The following RASGRF1 variants were observed in gnomAD, a reference collection of about 807,000 sequenced individuals.
RASGRF1 encodes the protein Ras protein specific guanine nucleotide releasing factor 1.
Under a neutral mutation model 138.7 loss-of-function variants are expected in RASGRF1, and 40 were observed. The observed-to-expected ratio is 0.29, with a 90% CI of 0.22 to 0.38. The LOEUF (loss-of-function observed/expected upper bound fraction) is 0.38, where lower values mean the gene tolerates loss of function less well. Among genes scored for constraint, RASGRF1 ranks in the 10% least tolerant of loss-of-function variants. RASGRF1 has a pLI of 1.00. For synonymous variants in RASGRF1, 614 were observed against 663.2 expected, an observed-to-expected ratio of 0.93 and a Z score of 1.14; for missense variants, 1,108 against 1,650.4, an observed-to-expected ratio of 0.67 and a Z score of 5.69.
In RASGRF1 at chr15:79,002,929, C is replaced by T. The variant is rs539971867; in HGVS notation, c.2449+873G>A. On this transcript the variant is annotated intron_variant, in intron 15 of 26. Coordinates refer to ENST00000558480, the MANE Select transcript of RASGRF1 (RefSeq NM_001145648.3). Reference sequence around the variant, plus strand: ...GGCGTCTGACCAGCCCCTGGTTGCACGTGGGTGCGTGCGTGTGTGCACGTG... The same window carrying T: ...GGCGTCTGACCAGCCCCTGGTTGCATGTGGGTGCGTGCGTGTGTGCACGTG... 5.3e-5 allele frequency among the ~76,000 whole-genome samples: 8 copies of T among 152,352 alleles called. No individual in the cohort carries two copies. In the East Asian group the frequency reaches 7.7e-4, roughly 15 times the overall value.
intron 13 of RASGRF1, among the ~76,000 whole-genome samples, chr15:79,013,420 C>T (rs2056830356): frequency 6.6e-6 from 1 of 152,244 alleles, no homozygotes; most frequent in Non-Finnish European, 1.5e-5. Flanking sequence ...TCCTGGCACA[C>T]AGTAGGTTCA....
Position 79,004,025 on chromosome 15 carries a change from G to T in RASGRF1, c.2226C>A (p.Ser742=). Residue 742 remains serine, a synonymous_variant, in exon 15 of 27, where the codon TCC becomes TCA. Coordinates refer to ENST00000558480, the MANE Select transcript of RASGRF1 (RefSeq NM_001145648.3). ...CGCCAGTGATGATGGGGATGTTCAG[G>T]GAGAGCTTCCGCCGGCGGCTCGGTG... The part of the protein sequence containing the change: ...TSSPSRRRKL[S]LNIPIITGGK... 6.2e-7 allele frequency: 1 copy of T among 1,614,206 alleles called. No individual in the cohort carries two copies. The highest frequency in any genetic ancestry group is 1.1e-5 in the South Asian group (1 of 91,084).
chr15:79,084,888 G>A (rs1415796595), intron 1 of RASGRF1, among the ~76,000 whole-genome samples: 1 of 152,142 alleles, frequency 6.6e-6, no homozygotes, highest in African/African-American at 2.4e-5. Flanking sequence ...TACAACCAAT[G>A]GGATGGCAGG....
At chr15:79,064,698 T>C (rs1257021202) in intron 1 of RASGRF1, 172 bp from the exon 2 acceptor site, 2 of 639,018 alleles carry the variant, frequency 3.1e-6, no homozygotes, top group Non-Finnish European at 5.5e-6. Flanking sequence ...CAGTTCTCGA[T>C]TAAAAGGGCT....
At chr15:79,022,415 G>C (rs1256125902) in intron 10 of RASGRF1, among the ~76,000 whole-genome samples, 1 of 152,050 alleles carries the variant, frequency 6.6e-6, no homozygotes, top group Non-Finnish European at 1.5e-5. Context: ...ACTCCAGCCT[G>C]GGTGACAAGA....
intron 11 of RASGRF1, among the ~76,000 whole-genome samples, chr15:79,019,012 A>G (rs752428316): frequency 2.0e-5 from 3 of 152,098 alleles, no homozygotes; most frequent in Non-Finnish European, 2.9e-5. Flanking sequence ...TTGGAAGGGC[A>G]TGAGGGGAGC....
chr15:79,035,035 C>T (rs1479403166), intron 6 of RASGRF1, 96 bp downstream of exon 6: 1 of 1,018,150 alleles, frequency 9.8e-7, no homozygotes, highest in South Asian at 1.7e-5. Flanking sequence ...AAGTGACACT[C>T]TATTATGCTC....
Position 79,090,540 on chromosome 15 carries a change from T to G in RASGRF1, c.-42A>C, listed in dbSNP as rs2058041841. On this transcript the variant is annotated 5_prime_UTR_variant, in exon 1 of 27. Transcript: ENST00000558480. ...CGAGACCCCACGCGCTTACATCTTC[T>G]CCGCGCAGCAGCCCCCCGTCCGTGC... 1 of 1,592,454 alleles carries G rather than the reference T, an allele frequency of 6.3e-7. No homozygotes were observed. The highest frequency in any genetic ancestry group is 8.5e-7 in the Non-Finnish European group (1 of 1,170,536).
intron 4 of RASGRF1, among the ~76,000 whole-genome samples, chr15:79,048,123 G>C (rs2057379488): frequency 6.6e-6 from 1 of 152,210 alleles, no homozygotes; most frequent in Non-Finnish European, 1.5e-5. Flanking sequence ...GGGGTGAGCT[G>C]GGAAGCTCAC....
rs1348715156 is a variant in RASGRF1 at position 79,050,411 on chromosome 15, A to C, written c.532-823T>G. On this transcript the variant is annotated intron_variant, in intron 3 of 26. Transcript: ENST00000558480. This position sits in a 1 kb window ranked among gnomAD's most constrained non-coding sequence, Gnocchi z 4.1. ...TCCATTCCCCCTTTGATGGGCATCT[A>C]GGTAATCCCTTTATTTTTCAAACAA... Among the ~76,000 whole-genome samples, 1 of 152,196 alleles carries C rather than the reference A, an allele frequency of 6.6e-6. No individual in the cohort carries two copies. The highest frequency in any genetic ancestry group is 1.5e-5 in the Non-Finnish European group (1 of 68,042).
intron 3 of RASGRF1, among the ~76,000 whole-genome samples, chr15:79,054,627 C>G (rs542138890): frequency 2.6e-5 from 4 of 152,202 alleles, no homozygotes; most frequent in Non-Finnish European, 5.9e-5. Flanking sequence ...ATGGCAGAAG[C>G]CTCCTTGGCT....
At chr15:79,017,642 T>C (rs1052820830) in intron 12 of RASGRF1, 128 bp downstream of exon 12, 3 of 1,212,614 alleles carry the variant, frequency 2.5e-6, no homozygotes, top group South Asian at 3.6e-5. Flanking sequence ...GGAAGATTCT[T>C]GCATCTTTCT....
chr15:79,074,866 C>A (rs967149756), intron 1 of RASGRF1, among the ~76,000 whole-genome samples: 1 of 152,214 alleles, frequency 6.6e-6, no homozygotes, highest in Non-Finnish European at 1.5e-5. Flanking sequence ...CCACAGAGAT[C>A]AAGGATGGAC....
chr15:79,041,513 G>A (rs930757235), intron 5 of RASGRF1, among the ~76,000 whole-genome samples: 1 of 152,208 alleles, frequency 6.6e-6, no homozygotes, highest in South Asian at 2.1e-4. Flanking sequence ...GGGGACATAA[G>A]CCAATGGCAG....
At chr15:79,001,134 G>A (rs964828528) in intron 16 of RASGRF1, among the ~76,000 whole-genome samples, 3 of 152,190 alleles carry the variant, frequency 2.0e-5, no homozygotes, top group South Asian at 2.1e-4. Flanking sequence ...CAATGTCACC[G>A]CCTCTTGGAG....
At chr15:78,984,986 G>T (rs370483913) in intron 23 of RASGRF1, 21 bp downstream of exon 23, 17 of 1,609,182 alleles carry the variant, frequency 1.1e-5, no homozygotes, top group African/African-American at 8.0e-5. Flanking sequence ...GGAGGCAGTG[G>T]TGCCAGCCTC....
intron 13 of RASGRF1, among the ~76,000 whole-genome samples, chr15:79,015,119 A>C (rs1007164513): frequency 5.9e-5 from 9 of 152,084 alleles, no homozygotes; most frequent in Admixed American, 5.2e-4. Context: ...TTAAAAAAAA[A>C]ACCCAAAAAA....
intron 16 of RASGRF1, 66 bp from the exon 17 acceptor site, chr15:78,999,979 C>T (rs2056484564): frequency 1.9e-6 from 3 of 1,547,198 alleles, no homozygotes; most frequent in South Asian, 2.3e-5. Flanking sequence ...GTTAGAAAAC[C>T]AGGGGTCCCG....
intron 5 of RASGRF1, among the ~76,000 whole-genome samples, chr15:79,045,965 G>C (rs945880996): frequency 1.3e-5 from 2 of 152,220 alleles, no homozygotes; most frequent in African/African-American, 2.4e-5. Flanking sequence ...ATTGTAAATA[G>C]CATGCTGTTT....
Sources: allele counts gnomAD v4.1 joint callset (sites outside exome capture counted in the v4.1 genomes callset), GRCh38; gene constraint gnomAD v4.1.1; non-coding constraint Gnocchi (gnomAD v3.1); transcripts MANE v1.5; gene names NCBI Gene and HGNC (gene_info 2026-07-23, HGNC 2026-07-21).